The following DISC1 variants were observed in gnomAD, a reference collection of about 807,000 sequenced individuals.
The protein encoded by DISC1 is disrupted in schizophrenia 1 protein.
A neutral mutation model predicts 84.5 loss-of-function variants in DISC1; 57 were observed. That is an observed-to-expected ratio of 0.67 (90% CI 0.55 to 0.84). The LOEUF (loss-of-function observed/expected upper bound fraction) is 0.84. DISC1 is among the 40% of genes least tolerant of loss of function. The pLI, the probability that DISC1 is intolerant of heterozygous loss-of-function variation, is 0.00. For synonymous variants in DISC1, 411 were observed against 415.2 expected, an observed-to-expected ratio of 0.99 and a Z score of 0.12; for missense variants, 1,000 against 1,057.8, an observed-to-expected ratio of 0.95 and a Z score of 0.76.
chr1:232,035,897 A>G (rs2103071273), intron 12 of DISC1, among the ~76,000 whole-genome samples: 1 of 152,294 alleles, frequency 6.6e-6, no homozygotes, highest in East Asian at 1.9e-4. Context: ...CTACAGCCTT[A>G]TCTATTACTG....
In DISC1 at chr1:231,935,376, G is replaced by A. The variant is rs57777911; in HGVS notation, c.1982-23452G>A. On this transcript the variant is annotated intron_variant, in intron 9 of 12. Coordinates refer to ENST00000439617, the MANE Select transcript of DISC1 (RefSeq NM_018662.3). ...GAGGAAAGCACTAAATTTTATTAGA[G>A]TGCTTCTCAAAATTGAGAGACTGAA... Among the ~76,000 whole-genome samples, 980 of 152,286 alleles carry A rather than the reference G, an allele frequency of 6.4e-3. 4 individuals carry two copies. Among genetic ancestry groups the A allele is most frequent in the African/African-American group, 0.022 (916 of 41,538 alleles).
chr1:231,795,821 T>A (rs1284028420), intron 7 of DISC1, among the ~76,000 whole-genome samples: 1 of 151,928 alleles, frequency 6.6e-6, no homozygotes, highest in Non-Finnish European at 1.5e-5. Flanking sequence ...CCCAGGTGGT[T>A]GAGGTTGCAG....
chr1:231,865,598 T>C (rs1169110996), intron 9 of DISC1, among the ~76,000 whole-genome samples: 1 of 152,248 alleles, frequency 6.6e-6, no homozygotes, highest in Non-Finnish European at 1.5e-5. Flanking sequence ...CATTAAATAA[T>C]AACTTCTCAT....
rs150139449 is a variant in DISC1, at chr1:231,826,270, G to T, written c.1981+7753G>T. Among the ~76,000 whole-genome samples the T allele has an allele frequency of 6.6e-6, 1 of 152,116 alleles. No homozygotes were observed. Among genetic ancestry groups the T allele is most frequent in the African/African-American group, 2.4e-5 (1 of 41,416 alleles). ...TCTTACCTGCCATTTTACCTTTGACGTTGCTTTATGTTCTTTATGAATTTG... is the reference window on the plus strand; with the variant it reads ...TCTTACCTGCCATTTTACCTTTGACTTTGCTTTATGTTCTTTATGAATTTG... On this transcript the variant is annotated intron_variant, in intron 9 of 12. Transcript: ENST00000439617. This position sits in a 1 kb window ranked among gnomAD's most constrained non-coding sequence, Gnocchi z 4.2.
At chr1:231,819,914 GC>G (rs1348609083) in intron 9 of DISC1, among the ~76,000 whole-genome samples, 1 of 152,090 alleles carries the variant, frequency 6.6e-6, no homozygotes, top group African/African-American at 2.4e-5. Context: ...GAATAGTTGA[GC>G]CCCTGAAAGC....
At chr1:231,865,834 T>A (rs12059310) in intron 9 of DISC1, among the ~76,000 whole-genome samples, 1,665 of 152,292 alleles carry the variant, frequency 0.011, 33 homozygotes, top group African/African-American at 0.038. Flanking sequence ...AAGCTCAGCT[T>A]TGGAGTTGGA....
At chr1:231,708,024 A>G (rs2067304503) in intron 3 of DISC1, among the ~76,000 whole-genome samples, 1 of 152,016 alleles carries the variant, frequency 6.6e-6, no homozygotes, top group South Asian at 2.1e-4. Context: ...TTACCTTTTT[A>G]TTGTCTTTAT....
At chr1:231,725,887 C>A (rs571214826) in intron 3 of DISC1, among the ~76,000 whole-genome samples, 1 of 151,952 alleles carries the variant, frequency 6.6e-6, no homozygotes, top group Non-Finnish European at 1.5e-5. Flanking sequence ...ATTGGTCCTA[C>A]GAGTGCTGGA....
intron 10 of DISC1, among the ~76,000 whole-genome samples, chr1:231,991,608 A>G (rs821654): frequency 0.45 from 68,470 of 152,092 alleles, 18,046 homozygotes; most frequent in African/African-American, 0.75. Context: ...CTATGCAAAG[A>G]GGGAATGTTT....
At chr1:231,936,502 T>G (rs1360352410) in intron 9 of DISC1, among the ~76,000 whole-genome samples, 1 of 152,196 alleles carries the variant, frequency 6.6e-6, no homozygotes, top group Non-Finnish European at 1.5e-5. Context: ...ATTCTTCATT[T>G]TGAAAGAGGT....
intron 10 of DISC1, among the ~76,000 whole-genome samples, chr1:231,963,209 A>G (rs1252458966): frequency 6.6e-6 from 1 of 151,358 alleles, no homozygotes; most frequent in African/African-American, 2.4e-5. Context: ...TCATCACCCT[A>G]TTGTAGCTGA....
intron 10 of DISC1, among the ~76,000 whole-genome samples, chr1:232,000,097 C>T (rs1387530038): frequency 6.6e-6 from 1 of 152,066 alleles, no homozygotes; most frequent in African/African-American, 2.4e-5. Context: ...AAGGATATCA[C>T]AGCTTGGATG....
intron 9 of DISC1, among the ~76,000 whole-genome samples, chr1:231,860,666 C>T (rs191134265): frequency 4.6e-5 from 7 of 152,216 alleles, no homozygotes; most frequent in South Asian, 2.1e-4. Context: ...ATATTTTTGC[C>T]GGCTGCAGAG....
intron 9 of DISC1, among the ~76,000 whole-genome samples, chr1:231,829,505 C>T (rs575167259): frequency 6.6e-5 from 10 of 152,258 alleles, no homozygotes; most frequent in Non-Finnish European, 1.2e-4. Flanking sequence ...GCTGGAAGTA[C>T]AGGCATGTGC....
intron 6 of DISC1, among the ~76,000 whole-genome samples, chr1:231,778,973 G>A (rs1221264360): frequency 6.6e-6 from 1 of 152,052 alleles, no homozygotes; most frequent in Admixed American, 6.6e-5. Context: ...TAACAACAGA[G>A]CAGCATCAAT....
At chr1:231,949,799 A>G (rs540290804) in intron 9 of DISC1, among the ~76,000 whole-genome samples, 94 of 152,336 alleles carry the variant, frequency 6.2e-4, no homozygotes, top group African/African-American at 2.2e-3. Flanking sequence ...TAGAGGGAAA[A>G]GTAAATTCTT....
At chr1:231,761,791 C>T (rs760954404) in intron 4 of DISC1, among the ~76,000 whole-genome samples, 1 of 152,182 alleles carries the variant, frequency 6.6e-6, no homozygotes, top group African/African-American at 2.4e-5. Context: ...TGAATATAAA[C>T]GGCTTCTGGA....
At position 232,008,826 on chromosome 1, in the gene DISC1, T is replaced by A; in HGVS notation, c.2084T>A (p.Leu695Ter). The A allele has an allele frequency of 6.2e-7, 1 of 1,600,706 alleles. No homozygotes were observed. Among genetic ancestry groups the A allele is most frequent in the Non-Finnish European group, 8.5e-7 (1 of 1,172,204 alleles). ...PLLGKVWEADLEACRLLIQSL... is the reference protein window; with the variant it reads ...PLLGKVWEAD ...CTTGGGAAAGTGTGGGAAGCTGACTTGGAAGCTTGTCGATTGCTTATCCAG... is the reference window on the plus strand; with the variant it reads ...CTTGGGAAAGTGTGGGAAGCTGACTAGGAAGCTTGTCGATTGCTTATCCAG... Residue 695 changes from leucine (L) to a stop codon, truncating the protein, a stop_gained, in exon 11 of 13, where the codon TTG (leucine) becomes TAG (stop). Coordinates refer to ENST00000439617, the MANE Select transcript of DISC1 (RefSeq NM_018662.3). LOFTEE classifies it high-confidence loss of function.
intron 12 of DISC1, among the ~76,000 whole-genome samples, chr1:232,028,789 G>A (rs1472300575): frequency 6.6e-6 from 1 of 152,116 alleles, no homozygotes; most frequent in Non-Finnish European, 1.5e-5. Flanking sequence ...AAAGTTTCAA[G>A]GTAGATTGAT....
Sources: gnomAD v4.1 joint callset for allele counts (sites outside exome capture counted in the v4.1 genomes callset) on GRCh38, gnomAD v4.1.1 for gene constraint, Gnocchi (gnomAD v3.1) non-coding constraint, MANE v1.5 for transcripts, NCBI Gene and HGNC (gene_info 2026-07-23, HGNC 2026-07-21) for gene names.